The following FHAD1 variants were observed in gnomAD, a reference collection of about 807,000 sequenced individuals.
FHAD1 encodes the protein forkhead associated phosphopeptide binding domain 1, also known as forkhead-associated domain-containing protein 1.
FHAD1 carries 146 observed loss-of-function variants against 191.3 expected under a neutral mutation model. That is an observed-to-expected ratio of 0.76 (90% CI 0.67 to 0.88). FHAD1 has a LOEUF of 0.88. Ranked by LOEUF, FHAD1 falls within the 40% of genes least tolerant of loss-of-function variation. The probability of loss-of-function intolerance (pLI) is 0.00; values close to 1 mark genes in which losing one functional copy is unlikely to be tolerated. For missense variants in FHAD1, 1,635 were observed against 1,785.8 expected, an observed-to-expected ratio of 0.92 and a Z score of 1.52; for synonymous variants, 616 against 672.3, an observed-to-expected ratio of 0.92 and a Z score of 1.29.
intron 3 of FHAD1, among the ~76,000 whole-genome samples, chr1:15,278,891 C>T (rs1050744629): frequency 6.6e-6 from 1 of 152,012 alleles, no homozygotes; most frequent in Non-Finnish European, 1.5e-5. Flanking sequence ...GTATAATATA[C>T]ACAAGAGATG....
In FHAD1 at chr1:15,303,708, G is replaced by C. The variant is rs777103004; in HGVS notation, c.915+2267G>C. On this transcript the variant is annotated intron_variant, in intron 6 of 33. Coordinates refer to ENST00000688493, the MANE Select transcript of FHAD1 (RefSeq NM_001391957.1). ...TACTAAAAATACAAAAGTTAGCCAA[G>C]CGTGATGGTGCGTGCCTGTAATCCC... 2.0e-5 allele frequency among the ~76,000 whole-genome samples: 3 copies of C among 152,144 alleles called. No homozygotes were observed. The East Asian group carries it at 5.8e-4, about 29-fold the overall frequency.
At chr1:15,372,345 G>A (rs765913548) in intron 26 of FHAD1, among the ~76,000 whole-genome samples, 66 of 152,198 alleles carry the variant, frequency 4.3e-4, no homozygotes, top group Non-Finnish European at 7.8e-4. Context: ...CAGGGCCGGG[G>A]ATGTGTCATA....
chr1:15,366,851 G>C (rs1696639461), intron 24 of FHAD1, among the ~76,000 whole-genome samples: 1 of 152,146 alleles, frequency 6.6e-6, no homozygotes, highest in South Asian at 2.1e-4. Flanking sequence ...TCTTGCATCT[G>C]ATAGCAGCCT....
At chr1:15,380,592 A>G (rs2102979511) in intron 28 of FHAD1, 109 bp from the exon 29 acceptor site, 1 of 866,486 alleles carries the variant, frequency 1.2e-6, no homozygotes, top group Non-Finnish European at 1.8e-6. Flanking sequence ...CGGACTGAAA[A>G]TCAACTCTCT....
At chr1:15,304,954 G>A (rs531416175) in intron 6 of FHAD1, among the ~76,000 whole-genome samples, 16 of 87,218 alleles carry the variant, frequency 1.8e-4, no homozygotes, top group African/African-American at 3.9e-4. Flanking sequence ...CTGCATTGTC[G>A]GGGTCCCCCC....
At chr1:15,398,622 C>T (rs1035633511), downstream of FHAD1, among the ~76,000 whole-genome samples, 1 of 152,112 alleles carries the variant, frequency 6.6e-6, no homozygotes, top group Admixed American at 6.5e-5. Context: ...CAGACCAAGT[C>T]CCCAGTCACC....
intron 16 of FHAD1, 66 bp downstream of exon 16, chr1:15,341,954 T>C: frequency 6.9e-7 from 1 of 1,440,502 alleles, no homozygotes; most frequent in Non-Finnish European, 9.4e-7. Context: ...CTATGGGAAA[T>C]TGAGGGCATG....
At chr1:15,360,760 C>G in intron 22 of FHAD1, 57 bp downstream of exon 22, 1 of 1,411,070 alleles carries the variant, frequency 7.1e-7, no homozygotes, top group Admixed American at 2.0e-5. Flanking sequence ...TCTGATTGTC[C>G]GCTGGGTCCC....
In FHAD1 at chr1:15,252,179, G is replaced by A. The variant is rs975328170; in HGVS notation, c.93+302G>A. ...CCAAAGTAGGGCTTATCCCGAGAGGGTTCTTGGCTTTGCACAGGAAAGAAT... is the reference window on the plus strand; with the variant it reads ...CCAAAGTAGGGCTTATCCCGAGAGGATTCTTGGCTTTGCACAGGAAAGAAT... On this transcript the variant is annotated intron_variant, in intron 2 of 33. Coordinates refer to ENST00000688493, the MANE Select transcript of FHAD1 (RefSeq NM_001391957.1). 3.2e-4 allele frequency among the ~76,000 whole-genome samples: 49 copies of A among 152,200 alleles called. 1 individual carries two copies. The highest frequency in any genetic ancestry group is 3.2e-3 in the Admixed American group (49 of 15,284).
intron 10 of FHAD1, among the ~76,000 whole-genome samples, chr1:15,322,942 G>A (rs1676817352): frequency 1.3e-5 from 2 of 152,164 alleles, no homozygotes; most frequent in Non-Finnish European, 2.9e-5. Context: ...CAGAATCATG[G>A]CGGGAGGCGA....
chr1:15,349,181 A>G lies in FHAD1; in HGVS notation c.2454+32A>G, dbSNP rs750383595. The G allele has an allele frequency of 2.8e-4, 415 of 1,462,588 alleles. 5 individuals carry two copies. The South Asian group carries it at 3.5e-3, about 12-fold the overall frequency. The allele number at this position is 1,462,588 out of a possible 1,614,324, so 90.6% of individuals were successfully genotyped here. On this transcript the variant is annotated intron_variant, in intron 19 of 33. Coordinates refer to ENST00000688493, the MANE Select transcript of FHAD1 (RefSeq NM_001391957.1). ...GCAGCAGCAGGAAAGAATCCTCTGGAAGGAACTACAAAGCCAGATCCCTGG... is the reference window on the plus strand; with the variant it reads ...GCAGCAGCAGGAAAGAATCCTCTGGGAGGAACTACAAAGCCAGATCCCTGG...
At chr1:15,391,162 A>G (rs2103114078) in intron 32 of FHAD1, 48 bp from the exon 33 acceptor site, 1 of 1,100,050 alleles carries the variant, frequency 9.1e-7, no homozygotes, top group Non-Finnish European at 1.2e-6. Flanking sequence ...TGCAAAAGGC[A>G]AAGAGGAATC....
intron 33 of FHAD1, among the ~76,000 whole-genome samples, chr1:15,395,353 C>T (rs924578533): frequency 6.6e-6 from 1 of 151,938 alleles, no homozygotes; most frequent in Non-Finnish European, 1.5e-5. Flanking sequence ...GAGGATAGCC[C>T]AGGCATCGTC....
At chr1:15,252,801 C>T (rs973131747) in intron 2 of FHAD1, among the ~76,000 whole-genome samples, 77 of 152,330 alleles carry the variant, frequency 5.1e-4, no homozygotes, top group African/African-American at 1.8e-3. Flanking sequence ...TCTGAATTAG[C>T]TGTGGTTTGG....
rs34110532 is a variant in FHAD1 at position 15,278,475 on chromosome 1, CTTTTT to C, written c.300+5958_300+5962del. On this transcript the variant is annotated intron_variant, in intron 3 of 33. Transcript: ENST00000688493. ...ACGCTTTGAACAGTCTTCATTACCT[CTTTTT>C]TTTTTTTTTTTGAGACGGAGTCTCA... Among the ~76,000 whole-genome samples the C allele has an allele frequency of 5.6e-5, 7 of 124,330 alleles. No individual in the cohort carries two copies. The South Asian group carries it at 1.8e-3, about 31-fold the overall frequency. 81.6% of individuals were successfully genotyped at this position (124,330 alleles called of 152,430 possible).
At chr1:15,263,412 C>G (rs927363738) in intron 2 of FHAD1, among the ~76,000 whole-genome samples, 1 of 136,200 alleles carries the variant, frequency 7.3e-6, no homozygotes, top group African/African-American at 2.7e-5. Flanking sequence ...TCTATGTTTT[C>G]TTTTAAGGGT....
chr1:15,307,388 T>C (rs1670834106), intron 6 of FHAD1, among the ~76,000 whole-genome samples: 1 of 152,098 alleles, frequency 6.6e-6, no homozygotes, highest in African/African-American at 2.4e-5. Context: ...AGTTAAGACT[T>C]TGGGGGACTA....
intron 1 of FHAD1, 124 bp from the exon 2 acceptor site, chr1:15,251,647 C>T (rs1646789221): frequency 1.4e-6 from 1 of 715,550 alleles, no homozygotes; most frequent in Non-Finnish European, 2.3e-6. Context: ...ATCTAATCCC[C>T]CCTCTTCTGA....
At chr1:15,277,259 C>G (rs1480313793) in intron 3 of FHAD1, among the ~76,000 whole-genome samples, 1 of 152,206 alleles carries the variant, frequency 6.6e-6, no homozygotes, top group African/African-American at 2.4e-5. Context: ...AAAGAGTGCC[C>G]ATATGCCTGG....
Sources: allele counts gnomAD v4.1 joint callset (sites outside exome capture counted in the v4.1 genomes callset), GRCh38; gene constraint gnomAD v4.1.1; transcripts MANE v1.5; gene names NCBI Gene and HGNC (gene_info 2026-07-23, HGNC 2026-07-21).